Variants in HSPA12B observed in about 807,000 individuals in gnomAD.
The protein encoded by HSPA12B is heat shock 70 kDa protein 12B.
A neutral mutation model predicts 69.3 loss-of-function variants in HSPA12B; 54 were observed. The ratio of observed to expected loss-of-function variants is 0.78; its 90% CI spans 0.63 to 0.98. The LOEUF is 0.98. Among genes scored for constraint, HSPA12B ranks in the 50% least tolerant of loss-of-function variants. HSPA12B has a pLI of 0.00. For synonymous variants in HSPA12B, 441 were observed against 436.5 expected, an observed-to-expected ratio of 1.01 and a Z score of -0.13; for missense variants, 929 against 999.8, an observed-to-expected ratio of 0.93 and a Z score of 0.96.
chr20:3,741,547 T>C (rs1368990567), intron 3 of HSPA12B, among the ~76,000 whole-genome samples: 3 of 152,110 alleles, frequency 2.0e-5, no homozygotes, highest in African/African-American at 7.2e-5. Context: ...GGTGGAGAAT[T>C]GCTTGAACCT....
At chr20:3,750,687 C>T (rs1334815651) in intron 11 of HSPA12B, 117 bp from the exon 12 acceptor site, 5 of 1,579,062 alleles carry the variant, frequency 3.2e-6, no homozygotes, top group Admixed American at 1.7e-5. Context: ...CACGTGCAGT[C>T]GGTGCCCAGG....
chr20:3,737,281 A>G lies in HSPA12B; in HGVS notation c.-17-1377A>G, dbSNP rs1169892957. ...CTGGCCCCAGAACTTCATAGACAGG[A>G]TCGAGCCCCTCCCATCTTAGAAAAT... On this transcript the variant is annotated intron_variant, in intron 1 of 12. Coordinates refer to ENST00000254963, the MANE Select transcript of HSPA12B (RefSeq NM_052970.5). The surrounding 1 kb of genome is among the most constrained non-coding windows in gnomAD (Gnocchi z 4.1). 6.6e-6 allele frequency among the ~76,000 whole-genome samples: 1 copy of G among 152,108 alleles called. No homozygotes were observed. Among genetic ancestry groups the G allele is most frequent in the South Asian group, 2.1e-4 (1 of 4,820 alleles).
chr20:3,746,028 C>A lies in HSPA12B; in HGVS notation c.672C>A (p.Tyr224Ter). 6.2e-7 allele frequency: 1 copy of A among 1,613,136 alleles called. No individual in the cohort carries two copies. The highest frequency in any genetic ancestry group is 8.5e-7 in the Non-Finnish European group (1 of 1,179,250). The change falls in exon 7 of 13, where the codon TAC becomes TAA. Residue 224 changes from tyrosine (Y) to a stop codon, truncating the protein, a stop_gained. Transcript: ENST00000254963. LOFTEE classifies it high-confidence loss of function. ...PAKQFMREAA[Y>*]LAGLVSRENA... ...AGCAGTTCATGCGGGAGGCTGCCTA[C>A]CTGGTGAGGACGTGCAGGCGGGCCC... is the stretch of plus-strand genomic sequence containing the variant.
In HSPA12B at chr20:3,745,199, G is replaced by T. The variant is rs893966045; in HGVS notation, c.453+111G>T. 1 of 1,003,470 alleles carries T rather than the reference G, an allele frequency of 1.0e-6. No homozygotes were observed. Among genetic ancestry groups the T allele is most frequent in the Non-Finnish European group, 1.5e-6 (1 of 675,628 alleles). The allele number at this position is 1,003,470 out of a possible 1,614,324, so 62.2% of individuals were successfully genotyped here. A position where few individuals can be genotyped will look rare whatever the true frequency, so the allele number is the denominator to read the frequency against. ...GTGTGAGGACCGGCCCGATGGAGTCGTGGCTGAGAGGGGGCGGGGCTAAAG... is the reference window on the plus strand; with the variant it reads ...GTGTGAGGACCGGCCCGATGGAGTCTTGGCTGAGAGGGGGCGGGGCTAAAG... On this transcript the variant is annotated intron_variant, in intron 5 of 12. Transcript: ENST00000254963. This position sits in a 1 kb window ranked among gnomAD's most constrained non-coding sequence, Gnocchi z 5.6.
intron 12 of HSPA12B, 69 bp downstream of exon 12, chr20:3,750,976 A>C: frequency 3.1e-6 from 4 of 1,270,584 alleles, no homozygotes; most frequent in South Asian, 1.2e-5. Context: ...ATTCCCCCCC[A>C]TCAGTGCCTA....
intron 11 of HSPA12B, 67 bp from the exon 12 acceptor site, chr20:3,750,737 G>T: frequency 1.9e-6 from 3 of 1,609,860 alleles, no homozygotes; most frequent in Non-Finnish European, 2.5e-6. Context: ...TAAGGACCAC[G>T]GACCCCAAAC....
chr20:3,744,945 C>G lies in HSPA12B; in HGVS notation c.310C>G (p.Pro104Ala), dbSNP rs374372742. The G allele has an allele frequency of 1.9e-6, 3 of 1,613,728 alleles. No individual in the cohort carries two copies. Among genetic ancestry groups the G allele is most frequent in the East Asian group, 2.2e-5 (1 of 44,884 alleles). ...GDPGVAHQKT[P>A]TCLLLTPEGA... ...CCCGGGCGTGGCCCACCAGAAGACC[C>G]CGACCTGCCTGCTGCTGACTCCGGA... Residue 104 changes from proline to alanine, a missense_variant, in exon 5 of 13, where the codon CCG becomes GCG. Pro to Ala is a conservative substitution (Grantham distance 27, BLOSUM62 -1). This residue lies in a region of HSPA12B where 477 missense variants were observed against 535.2 expected (regional missense o/e 0.89). Transcript: ENST00000254963. This position sits in a 1 kb window ranked among gnomAD's most constrained non-coding sequence, Gnocchi z 4.9.
rs1423570200 is a variant in HSPA12B, at chr20:3,737,537, GT to G, written c.-17-1118del. On this transcript the variant is annotated intron_variant, in intron 1 of 12. Transcript: ENST00000254963. This position sits in a 1 kb window ranked among gnomAD's most constrained non-coding sequence, Gnocchi z 4.1. The stretch of plus-strand genomic sequence containing the variant: ...ACCTCCCTTGGGCCACTAAAACAGT[GT>G]TTCCAGTCTCATCTGGGGACCTTTT... 2.0e-5 allele frequency among the ~76,000 whole-genome samples: 3 copies of G among 152,138 alleles called. No individual in the cohort carries two copies. Among genetic ancestry groups the G allele is most frequent in the Non-Finnish European group, 4.4e-5 (3 of 68,030 alleles).
rs1201728307 is a variant in HSPA12B at position 3,751,953 on chromosome 20, G to A, written c.1848G>A (p.Ala616=). Residue 616 remains alanine (A), a synonymous_variant, in exon 13 of 13, where the codon GCG becomes GCA. Coordinates refer to ENST00000254963, the MANE Select transcript of HSPA12B (RefSeq NM_052970.5). ...TGTACTGCTGCGCGGCAGAGGATGC[G>A]CGCTTCATCACCGACCCCGGCGTGC... is the stretch of plus-strand genomic sequence containing the variant. ...INLYCCAAED[A]RFITDPGVRK... 1 of 1,583,698 alleles carries A rather than the reference G, an allele frequency of 6.3e-7. No individual in the cohort carries two copies. Among genetic ancestry groups the A allele is most frequent in the Admixed American group, 1.7e-5 (1 of 57,682 alleles).
intron 12 of HSPA12B, 167 bp from the exon 13 acceptor site, chr20:3,751,344 T>G (rs2088416531): frequency 1.8e-5 from 18 of 985,302 alleles, no homozygotes; most frequent in Non-Finnish European, 2.2e-5. Context: ...AGGACTCCCG[T>G]GAGCTCTCAA....
At chr20:3,732,861 G>A (rs1235060207) in intron 1 of HSPA12B, 67 bp downstream of exon 1, 1 of 152,372 alleles carries the variant, frequency 6.6e-6, no homozygotes, top group Non-Finnish European at 1.5e-5. Context: ...TGCCGTCCCG[G>A]GCTGTCGGCT....
rs1268524265 is a variant in HSPA12B, at chr20:3,751,567, G to A, written c.1462G>A (p.Gly488Ser). The change falls in exon 13 of 13, where the codon GGC becomes AGC. Residue 488 changes from glycine (G) to serine (S), a missense_variant. By Grantham distance (56) the Gly-to-Ser change is moderately conservative. This residue lies in a region of HSPA12B where 448 missense variants were observed against 448.1 expected (regional missense o/e 1.00). Transcript: ENST00000254963. ...QGVKLLFLVG[G>S]FAESAVLQHA... Reference sequence around the variant, plus strand: ...TGTGAAGCTGCTGTTCCTAGTGGGCGGCTTCGCCGAGTCAGCGGTGCTGCA... The same window carrying A: ...TGTGAAGCTGCTGTTCCTAGTGGGCAGCTTCGCCGAGTCAGCGGTGCTGCA... The A allele has an allele frequency of 3.3e-6, 5 of 1,496,568 alleles. No homozygotes were observed. The African/African-American group carries it at 5.7e-5, about 17-fold the overall frequency. The allele number at this position is 1,496,568 out of a possible 1,614,324, so 92.7% of individuals were successfully genotyped here.
Position 3,751,897 on chromosome 20 carries a change from C to A in HSPA12B, c.1792C>A (p.Arg598Ser). 1.9e-6 allele frequency: 3 copies of A among 1,571,202 alleles called. No individual in the cohort carries two copies. The highest frequency in any genetic ancestry group is 1.4e-5 in the African/African-American group (1 of 72,376). The change falls in exon 13 of 13, where the codon CGT (arginine) becomes AGT (serine). Residue 598 changes from arginine (R) to serine (S), a missense_variant. Physicochemically the swap from Arg to Ser is moderately radical, Grantham distance 110 (BLOSUM62 -1). Coordinates refer to ENST00000254963, the MANE Select transcript of HSPA12B (RefSeq NM_052970.5). ...EEVRRSYCPA[R>S]PGQRRVLINL... ...GGTGCGGCGCAGCTACTGCCCGGCG[C>A]GTCCCGGCCAGCGGCGCGTACTCAT...
In HSPA12B at chr20:3,745,130, G is replaced by C; in HGVS notation, c.453+42G>C. ...CAGACAGGGAGGCGGGGCCAGCATGGAAAAGGGCAGGGCTAATGGGGGTGG... is the reference window on the plus strand; with the variant it reads ...CAGACAGGGAGGCGGGGCCAGCATGCAAAAGGGCAGGGCTAATGGGGGTGG... On this transcript the variant is annotated intron_variant, in intron 5 of 12. Transcript: ENST00000254963. This position sits in a 1 kb window ranked among gnomAD's most constrained non-coding sequence, Gnocchi z 5.6. 7 of 970,396 alleles carry C rather than the reference G, an allele frequency of 7.2e-6. No individual in the cohort carries two copies. The highest frequency in any genetic ancestry group is 1.7e-5 in the African/African-American group (1 of 60,424). 60.1% of individuals were successfully genotyped at this position (970,396 alleles called of 1,614,324 possible). A position where few individuals can be genotyped will look rare whatever the true frequency, so the allele number is the denominator to read the frequency against.
At chr20:3,738,578 CAAATA>C (rs2088143675) in intron 1 of HSPA12B, 75 bp from the exon 2 acceptor site, 7 of 1,397,654 alleles carry the variant, frequency 5.0e-6, no homozygotes, top group South Asian at 4.7e-5. Flanking sequence ...CAAAAGTAAA[CAAATA>C]AAATAAATAA....
Position 3,750,809 on chromosome 20 carries a change from A to C in HSPA12B, c.1307A>C (p.Asn436Thr), listed in dbSNP as rs2088404859. The C allele has an allele frequency of 2.5e-6, 4 of 1,613,704 alleles. No individual in the cohort carries two copies. The highest frequency in any genetic ancestry group is 3.4e-6 in the Non-Finnish European group (4 of 1,180,026). The change falls in exon 12 of 13, where the codon AAC becomes ACC. Residue 436 changes from asparagine (N) to threonine (T), a missense_variant. Asn to Thr is a moderately conservative substitution (Grantham distance 65, BLOSUM62 0). This residue lies in a region of HSPA12B where 448 missense variants were observed against 448.1 expected (regional missense o/e 1.00). Coordinates refer to ENST00000254963, the MANE Select transcript of HSPA12B (RefSeq NM_052970.5). ...GCCCCTTTCACCACCAACAGCGTGAACTTCGTGAAGTGGTCCTCACAGGGG... is the reference window on the plus strand; with the variant it reads ...GCCCCTTTCACCACCAACAGCGTGACCTTCGTGAAGTGGTCCTCACAGGGG... ...VETALRRSSV[N>T]FVKWSSQGML...
At chr20:3,747,328 T>G (rs183038578) in intron 7 of HSPA12B, among the ~76,000 whole-genome samples, 17 of 152,308 alleles carry the variant, frequency 1.1e-4, no homozygotes, top group African/African-American at 4.1e-4. Context: ...CACTTTTCAC[T>G]GGAAGGAGCT....
chr20:3,746,970 G>C (rs1247372136), intron 7 of HSPA12B, among the ~76,000 whole-genome samples: 1 of 152,118 alleles, frequency 6.6e-6, no homozygotes, highest in East Asian at 1.9e-4. Context: ...ACTTCACTTG[G>C]CATCAGTATT....
In HSPA12B at chr20:3,742,416, C is replaced by T. The variant is rs777159633; in HGVS notation, c.266+8C>T. The T allele has an allele frequency of 1.0e-5, 16 of 1,601,240 alleles. No individual in the cohort carries two copies. Among genetic ancestry groups the T allele is most frequent in the East Asian group, 6.7e-5 (3 of 44,484 alleles). On this transcript the variant is annotated splice_region_variant and intron_variant, in intron 4 of 12. Transcript: ENST00000254963. ...GGCCATCCACATGATGAGGTGAGGT[C>T]GGCTGGGCTGAGAGAGTGAGGTGGG...
Sources: allele counts gnomAD v4.1 joint callset (sites outside exome capture counted in the v4.1 genomes callset), GRCh38; gene constraint gnomAD v4.1.1; regional missense constraint gnomAD v4.1.1; non-coding constraint Gnocchi (gnomAD v3.1); transcripts MANE v1.5; gene names NCBI Gene and HGNC (gene_info 2026-07-23, HGNC 2026-07-21).